Variants in KCNQ3 observed in about 807,000 individuals in gnomAD.
The protein encoded by KCNQ3 is potassium voltage-gated channel subfamily Q member 3.
Under a neutral mutation model 92.5 loss-of-function variants are expected in KCNQ3, and 30 were observed. The observed-to-expected ratio is 0.32, with a 90% CI of 0.24 to 0.44. The LOEUF (loss-of-function observed/expected upper bound fraction) is 0.44, where lower values mean the gene tolerates loss of function less well. Ranked by LOEUF, KCNQ3 falls within the 20% of genes least tolerant of loss-of-function variation. The probability of loss-of-function intolerance (pLI) is 1.00; values close to 1 mark genes in which losing one functional copy is unlikely to be tolerated. For synonymous variants in KCNQ3, 450 were observed against 468.8 expected (o/e 0.96, Z 0.52); for missense variants, 913 against 1,140.3 (o/e 0.80, Z 2.87).
chr8:132,439,469 T>G (rs1821479039), intron 1 of KCNQ3, among the ~76,000 whole-genome samples: 1 of 152,036 alleles, frequency 6.6e-6, no homozygotes, highest in African/African-American at 2.4e-5. Context: ...AAGATATTCA[T>G]GTTTTAACCC....
In KCNQ3 at chr8:132,348,995, T is replaced by C. The variant is rs368853596; in HGVS notation, c.386+131152A>G. Among the ~76,000 whole-genome samples, 20 of 152,200 alleles carry C rather than the reference T, an allele frequency of 1.3e-4. 1 individual carries two copies. The highest frequency in any genetic ancestry group is 1.2e-3 in the East Asian group (6 of 5,194). On this transcript the variant is annotated intron_variant, in intron 1 of 14. Transcript: ENST00000388996. Reference sequence around the variant, plus strand: ...GCTATTAATATTCACCAAAATAATCTGACTCTTTCAGAAAAGCCAAGTTGA... The same window carrying C: ...GCTATTAATATTCACCAAAATAATCCGACTCTTTCAGAAAAGCCAAGTTGA...
At chr8:132,374,499 A>AC in intron 1 of KCNQ3, among the ~76,000 whole-genome samples, 1 of 152,076 alleles carries the variant, frequency 6.6e-6, no homozygotes, top group East Asian at 1.9e-4. Context: ...TGCGGCACAC[A>AC]CCCCTCCCGG....
At chr8:132,394,139 G>A (rs2130774840) in intron 1 of KCNQ3, among the ~76,000 whole-genome samples, 1 of 152,332 alleles carries the variant, frequency 6.6e-6, no homozygotes, top group African/African-American at 2.4e-5. Context: ...AGGAGGAAGG[G>A]CAAGAAGCGC....
chr8:132,228,759 GA>G (rs34561294), intron 1 of KCNQ3, among the ~76,000 whole-genome samples: 10,701 of 118,144 alleles, frequency 0.091, 429 homozygotes, highest in Admixed American at 0.15. Context: ...GCTGACTCTT[GA>G]AAAAAAAAAA....
intron 1 of KCNQ3, among the ~76,000 whole-genome samples, chr8:132,455,507 T>C (rs928129858): frequency 1.3e-5 from 2 of 152,238 alleles, no homozygotes; most frequent in Non-Finnish European, 2.9e-5. Flanking sequence ...TGCCCCAGTA[T>C]TACTCCCTGT....
At chr8:132,296,381 CTTT>C (rs1563846154) in intron 1 of KCNQ3, among the ~76,000 whole-genome samples, 1 of 151,876 alleles carries the variant, frequency 6.6e-6, no homozygotes, top group African/African-American at 2.4e-5. Flanking sequence ...TCCAAAGCCT[CTTT>C]TTATTTTATT....
intron 1 of KCNQ3, among the ~76,000 whole-genome samples, chr8:132,230,247 T>C (rs888646770): frequency 6.6e-6 from 1 of 152,130 alleles, no homozygotes; most frequent in Non-Finnish European, 1.5e-5. Context: ...AAGTCCTCAT[T>C]TGCAAACTGA....
chr8:132,347,760 G>A (rs1453332132), intron 1 of KCNQ3, among the ~76,000 whole-genome samples: 4 of 152,066 alleles, frequency 2.6e-5, no homozygotes, highest in East Asian at 1.9e-4. Flanking sequence ...GGCAGATCAC[G>A]AGGTCAGGAA....
intron 1 of KCNQ3, among the ~76,000 whole-genome samples, chr8:132,452,186 C>A (rs1264384127): frequency 1.3e-5 from 2 of 152,150 alleles, no homozygotes; most frequent in Non-Finnish European, 2.9e-5. Flanking sequence ...CTCTATCCAC[C>A]TCCCAAACAT....
intron 1 of KCNQ3, among the ~76,000 whole-genome samples, chr8:132,475,045 C>G (rs1235575616): frequency 6.6e-6 from 1 of 152,158 alleles, no homozygotes; most frequent in East Asian, 1.9e-4. Context: ...GTGTGTGACT[C>G]TTCCCCTTCA....
intron 1 of KCNQ3, among the ~76,000 whole-genome samples, chr8:132,234,148 G>A (rs1814729332): frequency 6.6e-6 from 1 of 152,128 alleles, no homozygotes. Flanking sequence ...ACAGTGCACA[G>A]AAGAAATGAC....
intron 1 of KCNQ3, among the ~76,000 whole-genome samples, chr8:132,472,192 G>A (rs997120519): frequency 1.3e-5 from 2 of 152,074 alleles, no homozygotes; most frequent in African/African-American, 4.8e-5. Context: ...ACTATGGAAA[G>A]CAATATGGAG....
At chr8:132,289,462 G>A (rs1433846098) in intron 1 of KCNQ3, among the ~76,000 whole-genome samples, 1 of 152,148 alleles carries the variant, frequency 6.6e-6, no homozygotes, top group African/African-American at 2.4e-5. Flanking sequence ...TCTGGTAGCT[G>A]CTGGCATTCT....
At chr8:132,413,971 T>C (rs377715209) in intron 1 of KCNQ3, among the ~76,000 whole-genome samples, 6 of 152,162 alleles carry the variant, frequency 3.9e-5, no homozygotes, top group Admixed American at 2.0e-4. Context: ...TGATGAATTA[T>C]TCATCCTGAG....
At chr8:132,143,884 ACTT>A (rs1825374671) in intron 9 of KCNQ3, among the ~76,000 whole-genome samples, 2 of 152,218 alleles carry the variant, frequency 1.3e-5, no homozygotes, top group Non-Finnish European at 2.9e-5. Context: ...ATTTTACAAT[ACTT>A]CTTAATGCTA....
In KCNQ3 at chr8:132,126,009, T is replaced by C. The variant is rs1824652258; in HGVS notation, c.*3253A>G. Reference sequence around the variant, plus strand: ...CAATAGGATCATGTTTCGCTTAACATTTGTGAAGTTGATTTATCTAATTCA... The same window carrying C: ...CAATAGGATCATGTTTCGCTTAACACTTGTGAAGTTGATTTATCTAATTCA... On this transcript the variant is annotated 3_prime_UTR_variant, in exon 15 of 15. Coordinates refer to ENST00000388996, the MANE Select transcript of KCNQ3 (RefSeq NM_004519.4). 1 of 152,204 alleles carries C rather than the reference T, an allele frequency of 6.6e-6. No homozygotes were observed. 9.4% of individuals were successfully genotyped at this position (152,204 alleles called of 1,614,324 possible).
intron 1 of KCNQ3, among the ~76,000 whole-genome samples, chr8:132,293,999 G>GTGTGT (rs61040125): frequency 3.4e-5 from 3 of 87,778 alleles, no homozygotes; most frequent in African/African-American, 6.8e-5. Flanking sequence ...GTGTGTGTGT[G>GTGTGT]GTTTTTTTTT....
At chr8:132,343,158 C>T (rs555401532) in intron 1 of KCNQ3, among the ~76,000 whole-genome samples, 52 of 152,336 alleles carry the variant, frequency 3.4e-4, no homozygotes, top group Middle Eastern at 3.4e-3. Context: ...CTGCTACTCT[C>T]GTGGTGAATC....
intron 1 of KCNQ3, among the ~76,000 whole-genome samples, chr8:132,458,097 C>G (rs1280537807): frequency 6.6e-6 from 1 of 152,180 alleles, no homozygotes; most frequent in Non-Finnish European, 1.5e-5. Context: ...CATCCTGACT[C>G]CTGGTCCAGG....
Sources: gnomAD v4.1 joint callset for allele counts (sites outside exome capture counted in the v4.1 genomes callset) on GRCh38, gnomAD v4.1.1 for gene constraint, MANE v1.5 for transcripts, NCBI Gene and HGNC (gene_info 2026-07-23, HGNC 2026-07-21) for gene names.